The following SDK1 variants were observed in gnomAD, a reference collection of about 807,000 sequenced individuals.
SDK1 encodes the protein sidekick cell adhesion molecule 1.
In SDK1, 157 loss-of-function variants were observed where a neutral mutation model predicts 245.5. That is an observed-to-expected ratio of 0.64 (90% CI 0.56 to 0.73). The LOEUF is 0.73. Ranked by LOEUF, SDK1 falls within the 30% of genes least tolerant of loss-of-function variation. SDK1 has a pLI of 0.00. For synonymous variants in SDK1, 1,647 were observed against 1,278.5 expected (o/e 1.29, Z -6.15); for missense variants, 3,583 against 3,002.3 (o/e 1.19, Z -4.52).
chr7:3,579,125 T>C (rs971684932), intron 1 of SDK1, among the ~76,000 whole-genome samples: 4 of 151,986 alleles, frequency 2.6e-5, no homozygotes, highest in African/African-American at 9.7e-5. Flanking sequence ...GAAAGTACTA[T>C]CTTCTACTGA....
chr7:3,551,613 A>G (rs886948474), intron 1 of SDK1, among the ~76,000 whole-genome samples: 3 of 152,056 alleles, frequency 2.0e-5, no homozygotes, highest in African/African-American at 4.8e-5. Flanking sequence ...ATAAGTCCAG[A>G]AACATCAATT....
At chr7:4,158,674 T>C (rs1780925594) in intron 31 of SDK1, 123 bp downstream of exon 31, 1 of 667,786 alleles carries the variant, frequency 1.5e-6, no homozygotes, top group Non-Finnish European at 2.6e-6. Flanking sequence ...GCAGTAGAAT[T>C]CCATTAGTGA....
intron 5 of SDK1, among the ~76,000 whole-genome samples, chr7:3,902,248 A>G (rs1781815990): frequency 6.6e-6 from 1 of 152,120 alleles, no homozygotes; most frequent in South Asian, 2.1e-4. Context: ...TGACATCTCT[A>G]ATTCCAGTTC....
chr7:3,660,906 A>G (rs1783332865), intron 4 of SDK1, among the ~76,000 whole-genome samples: 1 of 152,216 alleles, frequency 6.6e-6, no homozygotes, highest in African/African-American at 2.4e-5. Flanking sequence ...TGAGAGATAC[A>G]TTATGTCCTT....
chr7:3,842,890 C>T (rs923254722), intron 5 of SDK1, among the ~76,000 whole-genome samples: 2 of 152,080 alleles, frequency 1.3e-5, no homozygotes, highest in African/African-American at 4.8e-5. Context: ...TCTGTGGCTC[C>T]AGCGTTCACC....
chr7:3,333,226 T>C lies in SDK1; in HGVS notation c.298+31342T>C, dbSNP rs564180470. Reference sequence around the variant, plus strand: ...ACTGAAGGCCAAAATGCAGAGTCAATATGGCCGGTTATTGGCAAAAATTAT... The same window carrying C: ...ACTGAAGGCCAAAATGCAGAGTCAACATGGCCGGTTATTGGCAAAAATTAT... On this transcript the variant is annotated intron_variant, in intron 1 of 44. Transcript: ENST00000404826. Among the ~76,000 whole-genome samples, 4 of 152,248 alleles carry C rather than the reference T, an allele frequency of 2.6e-5. No individual in the cohort carries two copies. The East Asian group carries it at 7.7e-4, about 29-fold the overall frequency.
intron 22 of SDK1, among the ~76,000 whole-genome samples, chr7:4,083,738 C>CTTCTTTACTTCT (rs1781237352): frequency 3.3e-3 from 1 of 304 alleles, no homozygotes; most frequent in African/African-American, 0.022. Context: ...TCCTCCATCC[C>CTTCTTTACTTCT]TCCCTTCCTT....
chr7:3,661,238 G>A (rs7800534), intron 4 of SDK1, among the ~76,000 whole-genome samples: 87,937 of 152,058 alleles, frequency 0.58, 25,627 homozygotes, highest in South Asian at 0.76. Flanking sequence ...ATATTTTTAA[G>A]TAATGGTTAT....
At position 3,547,718 on chromosome 7, in the gene SDK1, T is replaced by A. The variant is rs554944026; in HGVS notation, c.299-71362T>A. Among the ~76,000 whole-genome samples, 46 of 152,332 alleles carry A rather than the reference T, an allele frequency of 3.0e-4. No homozygotes were observed. In the Middle Eastern group the frequency reaches 0.014, roughly 45 times the overall value. Reference sequence around the variant, plus strand: ...GTTGGTTTATGTATTTCTTACCCTTTTGGATAGATACCTTTTCTAAAGGAA... The same window carrying A: ...GTTGGTTTATGTATTTCTTACCCTTATGGATAGATACCTTTTCTAAAGGAA... On this transcript the variant is annotated intron_variant, in intron 1 of 44. Coordinates refer to ENST00000404826, the MANE Select transcript of SDK1 (RefSeq NM_152744.4).
At position 3,973,856 on chromosome 7, in the gene SDK1, T is replaced by C. The variant is rs999977852; in HGVS notation, c.1818-513T>C. ...TTTCTGGTTGCTTTTCTTTTTTTTA[T>C]TATTTTTTGGTTTAATTCATATGCC... On this transcript the variant is annotated intron_variant, in intron 12 of 44. Transcript: ENST00000404826. Among the ~76,000 whole-genome samples, 14 of 152,134 alleles carry C rather than the reference T, an allele frequency of 9.2e-5. 1 individual carries two copies. The highest frequency in any genetic ancestry group is 8.5e-4 in the Admixed American group (13 of 15,268).
At chr7:4,169,016 G>C (rs1454718010) in intron 32 of SDK1, among the ~76,000 whole-genome samples, 1 of 152,210 alleles carries the variant, frequency 6.6e-6, no homozygotes, top group Non-Finnish European at 1.5e-5. Flanking sequence ...GGCTCTCTGG[G>C]TGCGCAGGCA....
At chr7:3,530,367 A>T (rs1186160965) in intron 1 of SDK1, among the ~76,000 whole-genome samples, 1 of 152,054 alleles carries the variant, frequency 6.6e-6, no homozygotes, top group Admixed American at 6.6e-5. Flanking sequence ...TATGGATTTT[A>T]TGTGTTTCAT....
chr7:4,084,919 C>T (rs978044925), intron 22 of SDK1, among the ~76,000 whole-genome samples: 13 of 152,116 alleles, frequency 8.5e-5, no homozygotes, highest in South Asian at 6.2e-4. Flanking sequence ...CCCGCCACCA[C>T]GCCCAGCTAA....
chr7:4,245,946 T>C, intron 44 of SDK1, 141 bp downstream of exon 44: 2 of 1,056,390 alleles, frequency 1.9e-6, no homozygotes, highest in African/African-American at 1.6e-5. Flanking sequence ...GGCTTCATTA[T>C]GCAGATGAGA....
At chr7:3,818,879 C>G (rs191884233) in intron 4 of SDK1, among the ~76,000 whole-genome samples, 1 of 152,180 alleles carries the variant, frequency 6.6e-6, no homozygotes, top group East Asian at 1.9e-4. Context: ...AGACCCACAC[C>G]TGATGCTGGG....
At chr7:3,336,165 C>G (rs986846127) in intron 1 of SDK1, among the ~76,000 whole-genome samples, 4 of 152,192 alleles carry the variant, frequency 2.6e-5, no homozygotes, top group African/African-American at 9.7e-5. Flanking sequence ...TCACTCTGCT[C>G]CAGCTAAACC....
intron 1 of SDK1, among the ~76,000 whole-genome samples, chr7:3,332,722 T>C (rs1209307701): frequency 6.6e-6 from 1 of 152,194 alleles, no homozygotes; most frequent in Non-Finnish European, 1.5e-5. Flanking sequence ...AGTGATACTT[T>C]TAAAGGTTCT....
In SDK1 at chr7:4,157,355, AAGTG is replaced by A. The variant is rs1780801545; in HGVS notation, c.4626-1092_4626-1089del. ...AGGGAGAGAAGGGAAGAAGGAAGGA[AAGTG>A]GGAAGGGAGGAAGAAGGGAGAGAAG... On this transcript the variant is annotated intron_variant, in intron 30 of 44. Coordinates refer to ENST00000404826, the MANE Select transcript of SDK1 (RefSeq NM_152744.4). Among the ~76,000 whole-genome samples, 2 of 116,330 alleles carry A rather than the reference AAGTG, an allele frequency of 1.7e-5. 1 individual carries two copies. The highest frequency in any genetic ancestry group is 7.4e-5 in the African/African-American group (2 of 26,968). The allele number at this position is 116,330 out of a possible 152,430, so 76.3% of individuals were successfully genotyped here. A position where few individuals can be genotyped will look rare whatever the true frequency, so the allele number is the denominator to read the frequency against.
At chr7:3,890,438 C>T (rs1562515794) in intron 5 of SDK1, among the ~76,000 whole-genome samples, 2 of 152,152 alleles carry the variant, frequency 1.3e-5, no homozygotes, top group African/African-American at 4.8e-5. Context: ...TAAACAACAT[C>T]ATTAAGCTTG....
Sources: gnomAD v4.1 joint callset for allele counts (sites outside exome capture counted in the v4.1 genomes callset) on GRCh38, gnomAD v4.1.1 for gene constraint, MANE v1.5 for transcripts, NCBI Gene and HGNC (gene_info 2026-07-23, HGNC 2026-07-21) for gene names.